The following COL19A1 variants were observed in gnomAD, a reference collection of about 807,000 sequenced individuals.
The protein encoded by COL19A1 is collagen alpha-1(XIX) chain.
A neutral mutation model predicts 190.2 loss-of-function variants in COL19A1; 159 were observed. That is an observed-to-expected ratio of 0.84 (90% CI 0.73 to 0.95). COL19A1 has a LOEUF of 0.95. Ranked by LOEUF, COL19A1 falls within the 40% of genes least tolerant of loss-of-function variation. The probability of loss-of-function intolerance (pLI) is 0.00; values close to 1 mark genes in which losing one functional copy is unlikely to be tolerated. For synonymous variants in COL19A1, 509 were observed against 458.9 expected (o/e 1.11, Z -1.39); for missense variants, 1,418 against 1,431.9 (o/e 0.99, Z 0.16).
intron 4 of COL19A1, among the ~76,000 whole-genome samples, chr6:69,913,182 G>A (rs1431009677): frequency 6.6e-6 from 1 of 152,102 alleles, no homozygotes; most frequent in Non-Finnish European, 1.5e-5. Context: ...CAATAAGAAT[G>A]TAAAGTTTCT....
At chr6:70,036,241 T>C (rs1779345899) in intron 14 of COL19A1, among the ~76,000 whole-genome samples, 1 of 152,230 alleles carries the variant, frequency 6.6e-6, no homozygotes, top group Admixed American at 6.5e-5. Context: ...TTATGCACTC[T>C]TAACATCAGG....
In COL19A1 at chr6:70,004,925, C is replaced by T. The variant is rs527372393; in HGVS notation, c.1027-18702C>T. ...TCGGCTCACTGTAAGCTCTGCCCCCCGGGTTCATGCCATTCTCCTGCCTCA... is the reference window on the plus strand; with the variant it reads ...TCGGCTCACTGTAAGCTCTGCCCCCTGGGTTCATGCCATTCTCCTGCCTCA... On this transcript the variant is annotated intron_variant, in intron 11 of 50. Transcript: ENST00000620364. 2.6e-4 allele frequency among the ~76,000 whole-genome samples: 39 copies of T among 151,956 alleles called. No individual in the cohort carries two copies. In the South Asian group the frequency reaches 3.7e-3, roughly 15 times the overall value.
chr6:69,936,967 C>A, intron 8 of COL19A1, 57 bp downstream of exon 8: 3 of 1,585,998 alleles, frequency 1.9e-6, no homozygotes, highest in Non-Finnish European at 2.6e-6. Context: ...GAGCCCAGCT[C>A]CTTGAATGTG....
At chr6:70,113,817 G>GA (rs1398439724) in intron 16 of COL19A1, among the ~76,000 whole-genome samples, 1 of 133,342 alleles carries the variant, frequency 7.5e-6, no homozygotes, top group Non-Finnish European at 1.6e-5. Flanking sequence ...CTTTCCTCTT[G>GA]ACTCTTCTTG....
chr6:69,976,127 G>C (rs929972797), intron 11 of COL19A1, among the ~76,000 whole-genome samples: 2 of 152,116 alleles, frequency 1.3e-5, no homozygotes, highest in African/African-American at 4.8e-5. Flanking sequence ...AAATGAGCAA[G>C]CATTAGTGTG....
Position 70,035,931 on chromosome 6 carries a change from G to C in COL19A1, c.1162G>C (p.Ala388Pro). Residue 388 changes from alanine (A) to proline (P), a missense_variant, in exon 14 of 51, where the codon GCC becomes CCC. Ala to Pro is a conservative substitution (Grantham distance 27, BLOSUM62 -1). Coordinates refer to ENST00000620364, the MANE Select transcript of COL19A1 (RefSeq NM_001858.6). Reference protein sequence around the residue: ...KGDTGPPGPPALPGSLGIQGP... With the variant: ...KGDTGPPGPPPLPGSLGIQGP... ...AGATACAGGACCCCCAGGACCACCA[G>C]CCTTACCTGTAAGTATTCTTGAAAT... is the stretch of plus-strand genomic sequence containing the variant. The C allele has an allele frequency of 6.2e-7, 1 of 1,613,428 alleles. No individual in the cohort carries two copies. The highest frequency in any genetic ancestry group is 8.5e-7 in the Non-Finnish European group (1 of 1,179,456).
chr6:69,902,874 G>T (rs1582339291), intron 4 of COL19A1, among the ~76,000 whole-genome samples: 1 of 152,200 alleles, frequency 6.6e-6, no homozygotes, highest in East Asian at 1.9e-4. Context: ...GGCTTGGAGG[G>T]TCCATGGCCA....
chr6:69,914,548 A>C (rs1180192051), intron 4 of COL19A1, among the ~76,000 whole-genome samples: 7 of 152,204 alleles, frequency 4.6e-5, no homozygotes. Context: ...GGCAGAATTA[A>C]TTTGGAAGCC....
chr6:69,926,854 T>C (rs1196551714), intron 4 of COL19A1, among the ~76,000 whole-genome samples: 2 of 152,064 alleles, frequency 1.3e-5, no homozygotes, highest in Non-Finnish European at 2.9e-5. Context: ...AGAGAGAATT[T>C]TTACAGCAGC....
chr6:69,895,703 C>T (rs565060757), intron 2 of COL19A1, among the ~76,000 whole-genome samples: 1 of 152,152 alleles, frequency 6.6e-6, no homozygotes, highest in Non-Finnish European at 1.5e-5. Context: ...CCAGGGACCC[C>T]CTCCCACTTG....
chr6:70,193,044 A>G (rs1766980287), intron 48 of COL19A1, among the ~76,000 whole-genome samples: 1 of 152,192 alleles, frequency 6.6e-6, no homozygotes, highest in African/African-American at 2.4e-5. Flanking sequence ...GTCAGTAATT[A>G]ACCCATCTTT....
In COL19A1 at chr6:70,180,499, A is replaced by G. The variant is rs34942023; in HGVS notation, c.2751A>G (p.Gly917=). Residue 917 remains glycine, a synonymous_variant, in exon 44 of 51, where the codon GGA becomes GGG. Transcript: ENST00000620364. ...CTGTTGGAGATATAGGTTTCCCTGGACCAGAAGGACCCTCAGGAAAGCCAG... is the reference window on the plus strand; with the variant it reads ...CTGTTGGAGATATAGGTTTCCCTGGGCCAGAAGGACCCTCAGGAAAGCCAG... ...RGPVGDIGFP[G]PEGPSGKPGI... is the part of the protein sequence containing the mutation. 19 of 1,614,124 alleles carry G rather than the reference A, an allele frequency of 1.2e-5. No individual in the cohort carries two copies. In the African/African-American group the frequency reaches 2.0e-4, roughly 17 times the overall value.
intron 14 of COL19A1, among the ~76,000 whole-genome samples, chr6:70,042,863 A>G (rs933590117): frequency 6.6e-6 from 1 of 152,212 alleles, no homozygotes; most frequent in African/African-American, 2.4e-5. Flanking sequence ...TTCACCCATA[A>G]GAAGCAACTC....
chr6:70,178,262 A>G (rs1435447250), intron 42 of COL19A1, among the ~76,000 whole-genome samples: 1 of 152,056 alleles, frequency 6.6e-6, no homozygotes, highest in African/African-American at 2.4e-5. Flanking sequence ...CTTTAGTCCC[A>G]ACTGCTTGGA....
At chr6:70,116,648 G>GT (rs3842606) in intron 16 of COL19A1, among the ~76,000 whole-genome samples, 34,940 of 150,312 alleles carry the variant, frequency 0.23, 4,320 homozygotes, top group South Asian at 0.42. Context: ...CCTAATGACT[G>GT]TTTTTTTTTC....
At chr6:70,173,933 T>G (rs1426694358) in intron 41 of COL19A1, among the ~76,000 whole-genome samples, 1 of 152,060 alleles carries the variant, frequency 6.6e-6, no homozygotes, top group Non-Finnish European at 1.5e-5. Flanking sequence ...GCTGGGCCAA[T>G]GTCTTTAAGT....
chr6:70,042,092 A>T (rs1266890056), intron 14 of COL19A1, among the ~76,000 whole-genome samples: 1 of 152,176 alleles, frequency 6.6e-6, no homozygotes, highest in Non-Finnish European at 1.5e-5. Context: ...ATAAAATTTT[A>T]TCTTGAAGCC....
intron 16 of COL19A1, among the ~76,000 whole-genome samples, chr6:70,113,259 T>G (rs1363344726): frequency 6.6e-6 from 1 of 152,210 alleles, no homozygotes; most frequent in African/African-American, 2.4e-5. Context: ...TATTATCTTT[T>G]GTAGGGGAAA....
At chr6:69,921,606 A>G (rs768225965) in intron 4 of COL19A1, among the ~76,000 whole-genome samples, 2 of 146,144 alleles carry the variant, frequency 1.4e-5, no homozygotes, top group African/African-American at 2.5e-5. Flanking sequence ...GTATATGTAT[A>G]TAGATTCGTA....
Sources: allele counts gnomAD v4.1 joint callset (sites outside exome capture counted in the v4.1 genomes callset), GRCh38; gene constraint gnomAD v4.1.1; transcripts MANE v1.5; gene names NCBI Gene and HGNC (gene_info 2026-07-23, HGNC 2026-07-21).